BCAS2: variants seen among roughly 807,000 people sequenced by gnomAD.
BCAS2 encodes the protein pre-mRNA-splicing factor SPF27.
BCAS2 carries 34 observed loss-of-function variants against 35.3 expected under a neutral mutation model. The ratio of observed to expected loss-of-function variants is 0.96; its 90% CI spans 0.73 to 1.28. The LOEUF (loss-of-function observed/expected upper bound fraction) is 1.28, where lower values mean the gene tolerates loss of function less well. Ranked by LOEUF, BCAS2 falls within the 50% of genes most tolerant of loss-of-function variation. BCAS2 has a pLI of 0.00. For missense variants in BCAS2, 221 were observed against 268.1 expected (o/e 0.82, Z 1.23); for synonymous variants, 75 against 91.6 (o/e 0.82, Z 1.03).
intron 4 of BCAS2, among the ~76,000 whole-genome samples, chr1:114,572,016 CT>C (rs1654659009): frequency 6.6e-6 from 1 of 152,100 alleles, no homozygotes; most frequent in Non-Finnish European, 1.5e-5. Context: ...TAAATAACAA[CT>C]TTATTAAGAT....
rs369366052 is a variant in BCAS2, at chr1:114,577,257, G to GTGC, written c.187-502_187-500dup. ...CCCCTACCTTGCCATGTAATGCCCTGTGCTGCTTCAGGACTGTACACCAAG... is the reference window on the plus strand; with the variant it reads ...CCCCTACCTTGCCATGTAATGCCCTGTGCTGCTGCTTCAGGACTGTACACCAAG... On this transcript the variant is annotated intron_variant, in intron 2 of 6. Transcript: ENST00000369541. Among the ~76,000 whole-genome samples the GTGC allele has an allele frequency of 3.2e-3, 482 of 152,314 alleles. 2 individuals are homozygous for GTGC. Among genetic ancestry groups the GTGC allele is most frequent in the African/African-American group, 0.011 (457 of 41,568 alleles).
At chr1:114,568,752 ATTCTTTTTTTTTT>A (rs1183930217) in intron 6 of BCAS2, among the ~76,000 whole-genome samples, 1 of 122,082 alleles carries the variant, frequency 8.2e-6, no homozygotes, top group Non-Finnish European at 1.7e-5. Context: ...ATCTCTCTGT[ATTCTTTTTTTTTT>A]TTTTTTTTTT....
intron 2 of BCAS2, among the ~76,000 whole-genome samples, chr1:114,578,128 T>G (rs1654811755): frequency 6.6e-6 from 1 of 152,028 alleles, no homozygotes; most frequent in South Asian, 2.1e-4. Context: ...AGGTGGAGGT[T>G]GCAGTGAGCT....
At chr1:114,575,149 G>C (rs1037977513) in intron 4 of BCAS2, among the ~76,000 whole-genome samples, 1 of 148,526 alleles carries the variant, frequency 6.7e-6, no homozygotes, top group Non-Finnish European at 1.5e-5. Context: ...TGGGATTACA[G>C]GTGTAAACCA....
At chr1:114,573,137 A>C (rs1461875772) in intron 4 of BCAS2, among the ~76,000 whole-genome samples, 34 of 131,260 alleles carry the variant, frequency 2.6e-4, no homozygotes, top group African/African-American at 9.6e-4. Context: ...AAAAAAAAAA[A>C]AAAAAAAAAA....
At chr1:114,575,559 A>C in intron 4 of BCAS2, 31 bp downstream of exon 4, 1 of 1,563,256 alleles carries the variant, frequency 6.4e-7, no homozygotes, top group Non-Finnish European at 8.6e-7. Flanking sequence ...AAAAAACAAA[A>C]AAAACAGAAG....
At position 114,581,597 on chromosome 1, in the gene BCAS2, G is replaced by C. The variant is rs372074042; in HGVS notation, c.-6C>G. The C allele has an allele frequency of 1.1e-5, 17 of 1,613,072 alleles. No individual in the cohort carries two copies. The highest frequency in any genetic ancestry group is 1.4e-5 in the Non-Finnish European group (16 of 1,180,020). On this transcript the variant is annotated 5_prime_UTR_variant, in exon 1 of 7. Coordinates refer to ENST00000369541, the MANE Select transcript of BCAS2 (RefSeq NM_005872.3). ...ACCAAACCTGTGCCCGCCATTCTGA[G>C]GACCTCAGGTTTGCCTGCGTTTTCT...
rs1288757131 is a variant in BCAS2 at position 114,570,221 on chromosome 1, A to G, written c.471-149T>C. 1.3e-5 allele frequency: 8 copies of G among 612,378 alleles called. No individual in the cohort carries two copies. In the Admixed American group the frequency reaches 2.5e-4, roughly 19 times the overall value. The allele number at this position is 612,378 out of a possible 1,614,324, so 37.9% of individuals were successfully genotyped here. A position where few individuals can be genotyped will look rare whatever the true frequency, so the allele number is the denominator to read the frequency against. On this transcript the variant is annotated intron_variant, in intron 5 of 6. Coordinates refer to ENST00000369541, the MANE Select transcript of BCAS2 (RefSeq NM_005872.3). ...AACTGTAGAAATTACCTTTCTTCTA[A>G]TTATTTTTTGATTACAAGTTTCATA... is the stretch of plus-strand genomic sequence containing the variant.
At chr1:114,569,905 CATTTGAATGCT>C in intron 6 of BCAS2, 76 bp downstream of exon 6, 1 of 996,472 alleles carries the variant, frequency 1.0e-6, no homozygotes, top group Non-Finnish European at 1.5e-6. Context: ...TGTGGCATCC[CATTTGAATGCT>C]ATTTGAATCA....
chr1:114,569,174 A>C (rs1654590994), intron 6 of BCAS2, among the ~76,000 whole-genome samples: 1 of 152,218 alleles, frequency 6.6e-6, no homozygotes, highest in African/African-American at 2.4e-5. Context: ...CAGAAGAAAG[A>C]GGAAAGAGTG....
intron 5 of BCAS2, among the ~76,000 whole-genome samples, chr1:114,570,404 A>G (rs1654615432): frequency 6.6e-6 from 1 of 152,160 alleles, no homozygotes; most frequent in Admixed American, 6.6e-5. Flanking sequence ...ATGTGTGTGT[A>G]GAAATTGGTT....
intron 2 of BCAS2, among the ~76,000 whole-genome samples, chr1:114,577,308 C>G (rs1454212822): frequency 1.3e-5 from 2 of 152,196 alleles, no homozygotes; most frequent in African/African-American, 4.8e-5. Context: ...AGGCCCTCAC[C>G]AGATGCAGCC....
chr1:114,576,253 A>C (rs561830936), intron 3 of BCAS2, among the ~76,000 whole-genome samples: 109 of 143,866 alleles, frequency 7.6e-4, no homozygotes, highest in Middle Eastern at 3.7e-3. Flanking sequence ...CTCTCTATAT[A>C]TATATATATA....
chr1:114,569,770 A>G (rs1434150859), intron 6 of BCAS2, among the ~76,000 whole-genome samples: 1 of 152,096 alleles, frequency 6.6e-6, no homozygotes, highest in Non-Finnish European at 1.5e-5. Flanking sequence ...TCCTTTAGCA[A>G]TGGTTCAATT....
At chr1:114,579,719 A>G (rs758626406) in intron 2 of BCAS2, among the ~76,000 whole-genome samples, 32 of 151,764 alleles carry the variant, frequency 2.1e-4, no homozygotes, top group Non-Finnish European at 3.2e-4. Context: ...TACAAAAATT[A>G]CCCAGGCATG....
chr1:114,575,494 A>C (rs1410927875), intron 4 of BCAS2, 96 bp downstream of exon 4: 1 of 1,244,138 alleles, frequency 8.0e-7, no homozygotes, highest in South Asian at 1.6e-5. Flanking sequence ...TGCACCCAGC[A>C]CCTCCCATAC....
rs1405694230 is a variant in BCAS2, at chr1:114,567,748, T to A, written c.*382A>T. On this transcript the variant is annotated 3_prime_UTR_variant, in exon 7 of 7. Transcript: ENST00000369541. Reference sequence around the variant, plus strand: ...TGGTGATCAAGAATGTGTTTAGAACTATCTCTTTATTAGACAAAGTCATAA... The same window carrying A: ...TGGTGATCAAGAATGTGTTTAGAACAATCTCTTTATTAGACAAAGTCATAA... The A allele has an allele frequency of 2.4e-5, 4 of 168,904 alleles. No homozygotes were observed. Among genetic ancestry groups the A allele is most frequent in the African/African-American group, 9.6e-5 (4 of 41,774 alleles). The allele number at this position is 168,904 out of a possible 1,614,324, so 10.5% of individuals were successfully genotyped here. A position where few individuals can be genotyped will look rare whatever the true frequency, so the allele number is the denominator to read the frequency against.
chr1:114,577,722 A>C (rs1414704124), intron 2 of BCAS2, among the ~76,000 whole-genome samples: 1 of 152,198 alleles, frequency 6.6e-6, no homozygotes, highest in Non-Finnish European at 1.5e-5. Flanking sequence ...CCAACGTCCT[A>C]ACCCATTTCC....
intron 4 of BCAS2, among the ~76,000 whole-genome samples, chr1:114,572,992 C>T (rs980835937): frequency 2.0e-5 from 3 of 151,680 alleles, no homozygotes; most frequent in Non-Finnish European, 4.4e-5. Flanking sequence ...GTCTATAATC[C>T]CACCTACTCT....
Sources: gnomAD v4.1 joint callset for allele counts (sites outside exome capture counted in the v4.1 genomes callset) on GRCh38, gnomAD v4.1.1 for gene constraint, MANE v1.5 for transcripts, NCBI Gene and HGNC (gene_info 2026-07-23, HGNC 2026-07-21) for gene names.